NRG1: variants seen among roughly 807,000 people sequenced by gnomAD.
NRG1 encodes the protein pro-neuregulin-1, membrane-bound isoform.
A neutral mutation model predicts 63.8 loss-of-function variants in NRG1; 18 were observed. That is an observed-to-expected ratio of 0.28 (90% CI 0.19 to 0.42). The LOEUF is 0.42. Among genes scored for constraint, NRG1 ranks in the 10% least tolerant of loss-of-function variants. The pLI, the probability that NRG1 is intolerant of heterozygous loss-of-function variation, is 1.00. For missense variants in NRG1, 762 were observed against 814.7 expected (o/e 0.94, Z 0.79); for synonymous variants, 302 against 301.3 (o/e 1.00, Z -0.02).
intron 1 of NRG1, among the ~76,000 whole-genome samples, chr8:32,261,358 AGT>A (rs3055547): frequency 0.13 from 19,986 of 148,200 alleles, 2,253 homozygotes; most frequent in African/African-American, 0.32. Flanking sequence ...TGCTCCTATT[AGT>A]GTGTGTGTGT....
intron 5 of NRG1, among the ~76,000 whole-genome samples, chr8:32,713,690 T>G (rs1818386341): frequency 6.8e-6 from 1 of 147,594 alleles, no homozygotes; most frequent in Non-Finnish European, 1.5e-5. Flanking sequence ...TAGTTCCAAC[T>G]TTTAAATAAA....
intron 1 of NRG1, among the ~76,000 whole-genome samples, chr8:32,501,123 T>G (rs1827804406): frequency 6.6e-6 from 1 of 152,204 alleles, no homozygotes; most frequent in Admixed American, 6.5e-5. Flanking sequence ...CAGAAAAGCA[T>G]CGGCATAAAA....
intron 1 of NRG1, among the ~76,000 whole-genome samples, chr8:32,012,180 A>C (rs1043084330): frequency 2.6e-5 from 4 of 152,172 alleles, no homozygotes; most frequent in Non-Finnish European, 4.4e-5. Context: ...AGGTTCTATA[A>C]ATTTTGGAGC....
chr8:32,199,513 A>G (rs1382304570), intron 1 of NRG1, among the ~76,000 whole-genome samples: 5 of 152,284 alleles, frequency 3.3e-5, no homozygotes, highest in South Asian at 2.1e-4. Context: ...AAATTAGCCT[A>G]CATAAGACAT....
chr8:32,341,663 T>C (rs1003636409), intron 1 of NRG1, among the ~76,000 whole-genome samples: 2 of 152,122 alleles, frequency 1.3e-5, no homozygotes, highest in Admixed American at 1.3e-4. Flanking sequence ...TTGTTTTCCG[T>C]GTCCGTTCTC....
chr8:32,210,764 C>T (rs1162740357), intron 1 of NRG1, among the ~76,000 whole-genome samples: 2 of 152,158 alleles, frequency 1.3e-5, no homozygotes, highest in Non-Finnish European at 2.9e-5. Flanking sequence ...TTTATAAGAC[C>T]GTGTGTGCAG....
intron 1 of NRG1, among the ~76,000 whole-genome samples, chr8:32,557,221 A>G (rs1166939012): frequency 6.6e-6 from 1 of 152,012 alleles, no homozygotes; most frequent in Non-Finnish European, 1.5e-5. Flanking sequence ...GTTAGCCAGG[A>G]TGGTCTCGAT....
chr8:32,174,506 A>G (rs1312492338), intron 1 of NRG1, among the ~76,000 whole-genome samples: 1 of 152,214 alleles, frequency 6.6e-6, no homozygotes, highest in Non-Finnish European at 1.5e-5. Flanking sequence ...AAGGAAATAG[A>G]GACACAAAAA....
At chr8:32,708,170 A>G (rs1223846207) in intron 5 of NRG1, among the ~76,000 whole-genome samples, 4 of 152,132 alleles carry the variant, frequency 2.6e-5, no homozygotes, top group Non-Finnish European at 5.9e-5. Flanking sequence ...TGATGTTCTC[A>G]AATGTTCTTA....
rs1226053032 is a variant in NRG1 at position 32,007,941 on chromosome 8, C to T, written c.37+368510C>T. On this transcript the variant is annotated intron_variant, in intron 1 of 10. Coordinates refer to the NRG1 transcript ENST00000519301. ...TTTATTCCCTACTCAGTGCCCATCCCCCACTCCAAAGCCCTACAGGATTTA... is the reference window on the plus strand; with the variant it reads ...TTTATTCCCTACTCAGTGCCCATCCTCCACTCCAAAGCCCTACAGGATTTA... Among the ~76,000 whole-genome samples, 4 of 151,876 alleles carry T rather than the reference C, an allele frequency of 2.6e-5. No homozygotes were observed. In the East Asian group the frequency reaches 7.7e-4, roughly 29 times the overall value.
chr8:32,116,178 C>A (rs895020655), intron 1 of NRG1, among the ~76,000 whole-genome samples: 8 of 152,072 alleles, frequency 5.3e-5, no homozygotes, highest in Admixed American at 4.6e-4. Flanking sequence ...CTGAAAGGGC[C>A]CCATATTCAG....
chr8:32,421,672 C>A (rs531067542), intron 1 of NRG1, among the ~76,000 whole-genome samples: 1 of 152,296 alleles, frequency 6.6e-6, no homozygotes, highest in South Asian at 2.1e-4. Flanking sequence ...AGGCCACAGA[C>A]CCCAAGCTTT....
At position 32,541,739 on chromosome 8, in the gene NRG1, CTT is replaced by C. The variant is rs1219773624; in HGVS notation, c.38-54088_38-54087del. 5.3e-5 allele frequency among the ~76,000 whole-genome samples: 8 copies of C among 152,242 alleles called. No individual in the cohort carries two copies. The South Asian group carries it at 8.3e-4, about 16-fold the overall frequency. On this transcript the variant is annotated intron_variant, in intron 1 of 10. Transcript: ENST00000519301. ...GCCATCAAAGCATCTGAATCTCTCT[CTT>C]GGCTGTATAATAAATATTCACAGAA... is the stretch of plus-strand genomic sequence containing the variant.
intron 1 of NRG1, among the ~76,000 whole-genome samples, chr8:32,236,571 G>T (rs2129469377): frequency 6.6e-6 from 1 of 152,170 alleles, no homozygotes; most frequent in Admixed American, 6.5e-5. Context: ...GATGGAAATG[G>T]GTTATTAGAT....
intron 1 of NRG1, among the ~76,000 whole-genome samples, chr8:32,134,949 A>C (rs535339292): frequency 6.6e-6 from 1 of 152,318 alleles, no homozygotes; most frequent in Admixed American, 6.5e-5. Flanking sequence ...ATTTTAGATC[A>C]GGTATTCATG....
chr8:32,191,726 A>T (rs1213704833), intron 1 of NRG1, among the ~76,000 whole-genome samples: 1 of 152,094 alleles, frequency 6.6e-6, no homozygotes, highest in African/African-American at 2.4e-5. Flanking sequence ...ATGGCCTGGT[A>T]ACAAAGCATT....
intron 6 of NRG1, among the ~76,000 whole-genome samples, chr8:32,735,536 C>T (rs889698236): frequency 1.3e-5 from 2 of 152,120 alleles, no homozygotes; most frequent in South Asian, 4.1e-4. Context: ...CTATAAAGCC[C>T]CTCAGAACCC....
At chr8:31,911,234 A>G (rs1329160291) in intron 1 of NRG1, among the ~76,000 whole-genome samples, 2 of 152,204 alleles carry the variant, frequency 1.3e-5, no homozygotes, top group South Asian at 2.1e-4. Flanking sequence ...CTAAACTTGT[A>G]TATATACCCA....
intron 1 of NRG1, among the ~76,000 whole-genome samples, chr8:32,499,507 AC>A (rs769007879): frequency 2.4e-4 from 36 of 151,942 alleles, no homozygotes; most frequent in Non-Finnish European, 2.9e-4. Flanking sequence ...ACACAGTGTG[AC>A]TCCATCTCTA....
Sources: allele counts gnomAD v4.1 joint callset (sites outside exome capture counted in the v4.1 genomes callset), GRCh38; gene constraint gnomAD v4.1.1; transcripts MANE v1.5; gene names NCBI Gene and HGNC (gene_info 2026-07-23, HGNC 2026-07-21).